DGKB: variants seen among roughly 807,000 people sequenced by gnomAD.
DGKB encodes the protein 90 kDa diacylglycerol kinase.
A neutral mutation model predicts 114.3 loss-of-function variants in DGKB; 67 were observed. That is an observed-to-expected ratio of 0.59 (90% CI 0.48 to 0.72). The LOEUF (loss-of-function observed/expected upper bound fraction) is 0.72. Ranked by LOEUF, DGKB falls within the 30% of genes least tolerant of loss-of-function variation. DGKB has a pLI of 0.00. For missense variants in DGKB, 907 were observed against 975.2 expected, an observed-to-expected ratio of 0.93 and a Z score of 0.93; for synonymous variants, 398 against 323.1, an observed-to-expected ratio of 1.23 and a Z score of -2.49.
intron 2 of DGKB, among the ~76,000 whole-genome samples, chr7:14,791,947 G>T (rs1042384442): frequency 6.6e-6 from 1 of 151,810 alleles, no homozygotes. Flanking sequence ...TTACTCTTTG[G>T]TTCTGGTATC....
At chr7:14,410,532 T>A (rs1261372129) in intron 21 of DGKB, among the ~76,000 whole-genome samples, 2 of 152,106 alleles carry the variant, frequency 1.3e-5, no homozygotes, top group African/African-American at 2.4e-5. Flanking sequence ...TATTTAACAT[T>A]TATCCATTGT....
chr7:14,478,609 G>A (rs1782543434), intron 20 of DGKB, among the ~76,000 whole-genome samples: 1 of 152,034 alleles, frequency 6.6e-6, no homozygotes, highest in Non-Finnish European at 1.5e-5. Context: ...TTAGAAGGAT[G>A]CCCTAAGTGG....
chr7:14,191,679 G>T, intron 23 of DGKB: 1 of 319,258 alleles, frequency 3.1e-6, no homozygotes, highest in East Asian at 8.3e-5. Context: ...ACTCTTCTGG[G>T]GGACAAAGGG....
intron 20 of DGKB, among the ~76,000 whole-genome samples, chr7:14,481,026 A>T (rs913126075): frequency 2.0e-4 from 31 of 152,112 alleles, no homozygotes; most frequent in Admixed American, 1.2e-3. Flanking sequence ...TAATTAAAAA[A>T]ATCTAAGAAA....
intron 5 of DGKB, among the ~76,000 whole-genome samples, chr7:14,721,826 A>G (rs1829218147): frequency 6.6e-6 from 1 of 151,994 alleles, no homozygotes. Context: ...ACTTGATAAA[A>G]AGAAAATTGT....
chr7:14,641,713 A>T (rs1477995945), intron 13 of DGKB, among the ~76,000 whole-genome samples: 1 of 152,140 alleles, frequency 6.6e-6, no homozygotes, highest in Non-Finnish European at 1.5e-5. Context: ...TTTCTATCAC[A>T]TCTTTACAAC....
chr7:14,261,525 A>AT lies in DGKB; in HGVS notation c.2122+76989dup, dbSNP rs1384351467. ...TTCAACAAAAACACCTAAAGTTGAT[A>AT]TTTTTGCCTTTCCAGTGATTGACTT... On this transcript the variant is annotated intron_variant, in intron 23 of 25. Coordinates refer to ENST00000402815, the MANE Select transcript of DGKB (RefSeq NM_001350709.2). Among the ~76,000 whole-genome samples the AT allele has an allele frequency of 2.6e-5, 4 of 152,134 alleles. No individual in the cohort carries two copies. The East Asian group carries it at 7.7e-4, about 29-fold the overall frequency.
At chr7:14,531,359 G>T (rs1448963484) in intron 20 of DGKB, among the ~76,000 whole-genome samples, 4 of 151,334 alleles carry the variant, frequency 2.6e-5, no homozygotes, top group Non-Finnish European at 5.9e-5. Context: ...AGTTTGGCAA[G>T]GGCACAAGAT....
At chr7:14,972,792 G>A (rs1341944188) in intron 1 of DGKB, among the ~76,000 whole-genome samples, 4 of 151,988 alleles carry the variant, frequency 2.6e-5, no homozygotes, top group African/African-American at 9.7e-5. Context: ...AGATTAAAAT[G>A]TAGTTATAGC....
Position 14,718,641 on chromosome 7 carries a change from A to T in DGKB, c.367T>A (p.Ser123Thr), listed in dbSNP as rs766989711. The T allele has an allele frequency of 1.2e-6, 2 of 1,612,620 alleles. No homozygotes were observed. Among genetic ancestry groups the T allele is most frequent in the Admixed American group, 1.7e-5 (1 of 59,920 alleles). ...KGAITPPRTTSPANTCSPEVI... is the reference protein window; with the variant it reads ...KGAITPPRTTTPANTCSPEVI... ...TCTGGGGAACACGTATTTGCAGGAG[A>T]AGTAGTCCGGGGAGGGGTGATGGCA... Residue 123 changes from serine (S) to threonine (T), a missense_variant, in exon 6 of 26, where the codon TCT (serine) becomes ACT (threonine). Ser to Thr is a moderately conservative substitution (Grantham distance 58). Coordinates refer to ENST00000402815, the MANE Select transcript of DGKB (RefSeq NM_001350709.2).
chr7:14,273,281 G>A (rs1365821396), intron 23 of DGKB, among the ~76,000 whole-genome samples: 1 of 152,290 alleles, frequency 6.6e-6, no homozygotes. Context: ...AGGAGGTGGA[G>A]GTTGTAGTGA....
chr7:14,226,605 C>T (rs1006230977), intron 23 of DGKB, among the ~76,000 whole-genome samples: 1 of 151,816 alleles, frequency 6.6e-6, no homozygotes, highest in African/African-American at 2.4e-5. Flanking sequence ...ATTAAGATTC[C>T]CTAGAGGAAA....
intron 20 of DGKB, among the ~76,000 whole-genome samples, chr7:14,493,991 G>A (rs1784956278): frequency 6.7e-6 from 1 of 150,058 alleles, no homozygotes; most frequent in Non-Finnish European, 1.5e-5. Context: ...CAATTAAACT[G>A]AAATGTGATG....
chr7:14,583,742 G>A (rs62443558), intron 17 of DGKB, among the ~76,000 whole-genome samples: 1 of 152,122 alleles, frequency 6.6e-6, no homozygotes, highest in African/African-American at 2.4e-5. Context: ...TAGCCTAATT[G>A]CTGGGTCAGC....
rs557806869 is a variant in DGKB, at chr7:14,169,088, A to G, written c.2304+7751T>C. On this transcript the variant is annotated intron_variant, in intron 25 of 25. Transcript: ENST00000402815. ...GAAATGCAAACCATGGGCCGGGTGC[A>G]GTGGCTCACGCCTGTAATCCCAGCA... 5.3e-5 allele frequency among the ~76,000 whole-genome samples: 8 copies of G among 152,180 alleles called. No individual in the cohort carries two copies. In the South Asian group the frequency reaches 1.2e-3, roughly 24 times the overall value.
chr7:14,173,836 G>A (rs948214293), intron 25 of DGKB, among the ~76,000 whole-genome samples: 2 of 152,122 alleles, frequency 1.3e-5, no homozygotes, highest in African/African-American at 2.4e-5. Context: ...TTGGCCTACT[G>A]TAAGCTGCAA....
intron 17 of DGKB, among the ~76,000 whole-genome samples, chr7:14,601,675 C>T (rs956675096): frequency 2.6e-5 from 4 of 152,178 alleles, no homozygotes; most frequent in Non-Finnish European, 4.4e-5. Context: ...TACCAAGTAT[C>T]ACTCCATGGT....
At chr7:14,731,549 G>A (rs551073435) in intron 5 of DGKB, among the ~76,000 whole-genome samples, 153 of 152,146 alleles carry the variant, frequency 1.0e-3, no homozygotes, top group Non-Finnish European at 1.6e-3. Context: ...TATAAACATC[G>A]GGTAGTAGGA....
At chr7:14,371,201 G>T (rs905923351) in intron 21 of DGKB, among the ~76,000 whole-genome samples, 3 of 152,038 alleles carry the variant, frequency 2.0e-5, no homozygotes, top group Non-Finnish European at 4.4e-5. Context: ...GAGATTGCTG[G>T]GTTGAATGGT....
Sources: gnomAD v4.1 joint callset for allele counts (sites outside exome capture counted in the v4.1 genomes callset) on GRCh38, gnomAD v4.1.1 for gene constraint, MANE v1.5 for transcripts, NCBI Gene and HGNC (gene_info 2026-07-23, HGNC 2026-07-21) for gene names.